Variants in SYNPO2 observed in about 807,000 individuals in gnomAD.
The protein encoded by SYNPO2 is synaptopodin-2.
In SYNPO2, 56 loss-of-function variants were observed where a neutral mutation model predicts 85.0. That is an observed-to-expected ratio of 0.66 (90% CI 0.53 to 0.82). The LOEUF is 0.82. SYNPO2 is among the 40% of genes least tolerant of loss of function. SYNPO2 has a pLI of 0.00. For missense variants in SYNPO2, 1,575 were observed against 1,534.2 expected, an observed-to-expected ratio of 1.03 and a Z score of -0.44; for synonymous variants, 602 against 591.1, an observed-to-expected ratio of 1.02 and a Z score of -0.27.
chr4:119,003,959 C>T (rs1736916814), intron 1 of SYNPO2, among the ~76,000 whole-genome samples: 1 of 152,120 alleles, frequency 6.6e-6, no homozygotes, highest in African/African-American at 2.4e-5. Flanking sequence ...ATTTTCCACC[C>T]TCAGCTGTGC....
chr4:119,021,562 A>T (rs1469370404), intron 1 of SYNPO2, among the ~76,000 whole-genome samples: 1 of 152,228 alleles, frequency 6.6e-6, no homozygotes, highest in East Asian at 1.9e-4. Flanking sequence ...CATTGAGAAC[A>T]ATTGAACTCA....
chr4:119,039,071 CTT>C (rs1738626840), intron 4 of SYNPO2, among the ~76,000 whole-genome samples: 1 of 152,126 alleles, frequency 6.6e-6, no homozygotes, highest in Non-Finnish European at 1.5e-5. Context: ...GCTTTATTGA[CTT>C]AATTTAAAAT....
At chr4:118,900,725 A>C (rs1292922167) in intron 1 of SYNPO2, among the ~76,000 whole-genome samples, 21 of 104,442 alleles carry the variant, frequency 2.0e-4, no homozygotes, top group South Asian at 1.0e-3. Context: ...ATATATATAT[A>C]TATATATGTC....
At chr4:119,006,555 C>T (rs1186079050) in intron 1 of SYNPO2, among the ~76,000 whole-genome samples, 1 of 152,122 alleles carries the variant, frequency 6.6e-6, no homozygotes, top group Non-Finnish European at 1.5e-5. Flanking sequence ...ATGACAGACT[C>T]ATAATTTGTG....
intron 1 of SYNPO2, among the ~76,000 whole-genome samples, chr4:118,851,584 C>T (rs1241578953): frequency 6.6e-6 from 1 of 152,064 alleles, no homozygotes; most frequent in African/African-American, 2.4e-5. Flanking sequence ...TGGAATAAAA[C>T]AATTAAAACT....
chr4:119,035,578 G>T (rs1051907424), intron 4 of SYNPO2: 1 of 985,172 alleles, frequency 1.0e-6, no homozygotes, highest in African/African-American at 1.7e-5. Context: ...TAGTATGATT[G>T]TTAGTGGTAA....
intron 3 of SYNPO2, 127 bp downstream of exon 3, chr4:119,027,565 A>G: frequency 1.1e-6 from 1 of 914,898 alleles, no homozygotes; most frequent in South Asian, 2.4e-5. Context: ...ATATTTAATT[A>G]ATGCACAAAA....
At chr4:119,037,210 A>G (rs2149195025) in intron 4 of SYNPO2, 1 of 1,527,810 alleles carries the variant, frequency 6.5e-7, no homozygotes, top group Non-Finnish European at 8.8e-7. Flanking sequence ...ACTCAAAATA[A>G]CAACATTCAA....
intron 1 of SYNPO2, among the ~76,000 whole-genome samples, chr4:118,976,898 A>C (rs1280030702): frequency 6.6e-6 from 1 of 152,240 alleles, no homozygotes; most frequent in Non-Finnish European, 1.5e-5. Flanking sequence ...AGCTAAACAC[A>C]GGGTGCTGAT....
intron 4 of SYNPO2, chr4:119,035,130 G>A (rs756557945): frequency 4.2e-5 from 41 of 985,284 alleles, no homozygotes; most frequent in Non-Finnish European, 4.5e-5. Context: ...TTAAATACAG[G>A]CACTGGAATA....
At chr4:118,944,312 A>C (rs1734423476) in intron 1 of SYNPO2, among the ~76,000 whole-genome samples, 1 of 152,154 alleles carries the variant, frequency 6.6e-6, no homozygotes, top group Non-Finnish European at 1.5e-5. Context: ...CTGGTGCTAA[A>C]ATTGAAACTC....
intron 4 of SYNPO2, chr4:119,035,539 A>G (rs1738473017): frequency 1.0e-6 from 1 of 985,454 alleles, no homozygotes; most frequent in African/African-American, 1.7e-5. Context: ...ACTCTAGAGC[A>G]TGTCAAACTT....
intron 1 of SYNPO2, among the ~76,000 whole-genome samples, chr4:118,906,492 G>T (rs542858330): frequency 6.6e-6 from 1 of 152,212 alleles, no homozygotes; most frequent in South Asian, 2.1e-4. Flanking sequence ...TAGAGTTGAT[G>T]ATTTTAAGGT....
At chr4:118,927,749 T>TATATA (rs1553938465) in intron 1 of SYNPO2, among the ~76,000 whole-genome samples, 10,223 of 114,242 alleles carry the variant, frequency 0.089, 608 homozygotes, top group Non-Finnish European at 0.096. Flanking sequence ...GATAGATAGA[T>TATATA]GATAGATAGA....
chr4:118,903,167 G>A (rs1342688044), intron 1 of SYNPO2, among the ~76,000 whole-genome samples: 1 of 152,168 alleles, frequency 6.6e-6, no homozygotes, highest in East Asian at 1.9e-4. Context: ...GACCCAAAGA[G>A]TCAGTTAATA....
At chr4:118,905,443 C>CGTGTGTGTGT (rs3051210) in intron 1 of SYNPO2, among the ~76,000 whole-genome samples, 1 of 150,154 alleles carries the variant, frequency 6.7e-6, no homozygotes. Flanking sequence ...TGTGTGTGTG[C>CGTGTGTGTGT]GTGTGTGTGT....
chr4:119,001,700 G>A (rs190767665), intron 1 of SYNPO2, among the ~76,000 whole-genome samples: 163 of 152,148 alleles, frequency 1.1e-3, no homozygotes, highest in Middle Eastern at 3.4e-3. Flanking sequence ...TCTAGAATAC[G>A]TTTTATGAAA....
chr4:118,971,323 G>A (rs189729350), intron 1 of SYNPO2, among the ~76,000 whole-genome samples: 1 of 152,314 alleles, frequency 6.6e-6, no homozygotes, highest in African/African-American at 2.4e-5. Context: ...GGATGGTTAT[G>A]TTATGCCAGT....
chr4:118,860,538 C>T (rs1227227663), intron 1 of SYNPO2, among the ~76,000 whole-genome samples: 1 of 149,152 alleles, frequency 6.7e-6, no homozygotes, highest in African/African-American at 2.5e-5. Context: ...GCCACACTGC[C>T]TGGCCTCTTT....
Sources: gnomAD v4.1 joint callset for allele counts (sites outside exome capture counted in the v4.1 genomes callset) on GRCh38, gnomAD v4.1.1 for gene constraint, MANE v1.5 for transcripts, NCBI Gene and HGNC (gene_info 2026-07-23, HGNC 2026-07-21) for gene names.